The following ESRRG variants were observed in gnomAD, a reference collection of about 807,000 sequenced individuals.
The protein encoded by ESRRG is estrogen-related receptor gamma.
Under a neutral mutation model 44.0 loss-of-function variants are expected in ESRRG, and 13 were observed. The ratio of observed to expected loss-of-function variants is 0.30; its 90% CI spans 0.19 to 0.47. The LOEUF (loss-of-function observed/expected upper bound fraction) is 0.47, where lower values mean the gene tolerates loss of function less well. Among genes scored for constraint, ESRRG ranks in the 20% least tolerant of loss-of-function variants. The probability of loss-of-function intolerance (pLI) is 1.00; values close to 1 mark genes in which losing one functional copy is unlikely to be tolerated. For missense variants in ESRRG, 395 were observed against 580.6 expected, an observed-to-expected ratio of 0.68 and a Z score of 3.29; for synonymous variants, 215 against 214.6, an observed-to-expected ratio of 1.00 and a Z score of -0.02.
chr1:216,735,410 G>C (rs866768084), intron 2 of ESRRG, among the ~76,000 whole-genome samples: 6 of 149,580 alleles, frequency 4.0e-5, no homozygotes, highest in African/African-American at 7.4e-5. Flanking sequence ...GTCTTGTTTT[G>C]TTGCCCAGGC....
intron 2 of ESRRG, among the ~76,000 whole-genome samples, chr1:216,910,765 G>A (rs1476193144): frequency 6.6e-6 from 1 of 152,166 alleles, no homozygotes; most frequent in Non-Finnish European, 1.5e-5. Flanking sequence ...TGTGTGAAGT[G>A]AAGCACTCCT....
chr1:216,562,258 T>C (rs2058894347), intron 5 of ESRRG, among the ~76,000 whole-genome samples: 1 of 152,198 alleles, frequency 6.6e-6, no homozygotes, highest in African/African-American at 2.4e-5. Flanking sequence ...CACGCTGTTG[T>C]TAATAACAAT....
chr1:216,745,079 C>T (rs2091233531), intron 2 of ESRRG, among the ~76,000 whole-genome samples: 1 of 152,132 alleles, frequency 6.6e-6, no homozygotes. Flanking sequence ...AGAGGTGTGC[C>T]TATTAAAGAC....
chr1:216,739,267 A>G (rs1575977170), intron 2 of ESRRG, among the ~76,000 whole-genome samples: 1 of 31,038 alleles, frequency 3.2e-5, no homozygotes, highest in East Asian at 2.5e-3. Flanking sequence ...TTAAAGTGAA[A>G]AAAAAAAAAA....
At chr1:216,579,154 G>A (rs917645299) in intron 3 of ESRRG, among the ~76,000 whole-genome samples, 11 of 152,018 alleles carry the variant, frequency 7.2e-5, no homozygotes, top group Admixed American at 1.3e-4. Flanking sequence ...TCTGGTTTCA[G>A]TAAGATGACT....
chr1:216,875,201 G>A (rs1298800714), intron 2 of ESRRG, among the ~76,000 whole-genome samples: 2 of 152,122 alleles, frequency 1.3e-5, no homozygotes, highest in Non-Finnish European at 2.9e-5. Flanking sequence ...GAAAAAGACA[G>A]TGTTTGGCTT....
At chr1:216,678,682 G>T (rs908536552) in intron 1 of ESRRG, among the ~76,000 whole-genome samples, 6 of 152,066 alleles carry the variant, frequency 3.9e-5, no homozygotes, top group Admixed American at 1.3e-4. Context: ...GCAAAACCTC[G>T]TTTAGCAAAA....
At chr1:217,034,250 A>T (rs777100258) in intron 1 of ESRRG, among the ~76,000 whole-genome samples, 1 of 152,212 alleles carries the variant, frequency 6.6e-6, no homozygotes, top group Non-Finnish European at 1.5e-5. Flanking sequence ...GCATCCAGGG[A>T]TAAAACGGCT....
At chr1:216,916,323 C>G (rs1466028462) in intron 2 of ESRRG, among the ~76,000 whole-genome samples, 1 of 152,208 alleles carries the variant, frequency 6.6e-6, no homozygotes. Context: ...TGTTTCATGT[C>G]ACCGTTCATC....
chr1:216,650,916 TGCCTCCCA>T, intron 3 of ESRRG, 49 bp downstream of exon 3: 1 of 1,019,636 alleles, frequency 9.8e-7, no homozygotes, highest in South Asian at 1.3e-5. Flanking sequence ...TGGAATTTTT[TGCCTCCCA>T]TCCCCACAGC....
chr1:216,864,974 T>G (rs1296034288), intron 2 of ESRRG: 1 of 151,900 alleles, frequency 6.6e-6, no homozygotes, highest in Non-Finnish European at 1.5e-5. Context: ...TTCCCAGCCT[T>G]CAGCACAACA....
rs192365593 is a variant in ESRRG at position 216,578,125 on chromosome 1, A to C, written c.590-10027T>G. On this transcript the variant is annotated intron_variant, in intron 3 of 6. Coordinates refer to ENST00000408911, the MANE Select transcript of ESRRG (RefSeq NM_001438.4). ...GTAAATCTAGTATAACGAATATGGT[A>C]TATGTTCCCAGGTCATGTGTAAAGA... 1.7e-3 allele frequency among the ~76,000 whole-genome samples: 260 copies of C among 152,250 alleles called. 3 individuals carry two copies. The Middle Eastern group carries it at 0.02, about 12-fold the overall frequency.
intron 2 of ESRRG, among the ~76,000 whole-genome samples, chr1:216,875,213 TATTTTTTACACTTTA>T (rs1232937826): frequency 6.6e-6 from 1 of 152,208 alleles, no homozygotes; most frequent in African/African-American, 2.4e-5. Context: ...GTTTGGCTTT[TATTTTTTACACTTTA>T]ACTTTTTAAA....
At chr1:216,881,898 G>A (rs1174694938) in intron 2 of ESRRG, among the ~76,000 whole-genome samples, 1 of 151,326 alleles carries the variant, frequency 6.6e-6, no homozygotes, top group Non-Finnish European at 1.5e-5. Context: ...CTGTTGTCAT[G>A]TTTTCAAAGT....
Position 217,057,210 on chromosome 1 carries a change from T to G in ESRRG, c.-106+32297A>C, listed in dbSNP as rs982357518. Among the ~76,000 whole-genome samples, 3 of 152,114 alleles carry G rather than the reference T, an allele frequency of 2.0e-5. No individual in the cohort carries two copies. The South Asian group carries it at 6.2e-4, about 32-fold the overall frequency. ...TTGAGGAGAAAACAGCCGGGGAATC[T>G]CAGGAAGCATCTACCATATCTACCA... On this transcript the variant is annotated intron_variant, in intron 1 of 7. Coordinates refer to the ESRRG transcript ENST00000359162.
chr1:216,976,075 T>C (rs1437970566), intron 1 of ESRRG, among the ~76,000 whole-genome samples: 1 of 152,122 alleles, frequency 6.6e-6, no homozygotes, highest in Non-Finnish European at 1.5e-5. Context: ...TAACACCTAA[T>C]AGAAACTTCC....
chr1:216,795,751 TCTCC>T, intron 2 of ESRRG, among the ~76,000 whole-genome samples: 1 of 152,252 alleles, frequency 6.6e-6, no homozygotes, highest in Admixed American at 6.5e-5. Context: ...GATTGTGATG[TCTCC>T]TTCCTCTCAG....
Position 216,821,816 on chromosome 1 carries a change from G to A in ESRRG, c.-14+117766C>T, listed in dbSNP as rs561926509. On this transcript the variant is annotated intron_variant, in intron 2 of 7. Transcript: ENST00000359162. Reference sequence around the variant, plus strand: ...AAATTTCCTTATGATTCAACCTAATGCCTATCTCACTTGTGTCTTACAGTG... The same window carrying A: ...AAATTTCCTTATGATTCAACCTAATACCTATCTCACTTGTGTCTTACAGTG... Among the ~76,000 whole-genome samples, 14 of 151,006 alleles carry A rather than the reference G, an allele frequency of 9.3e-5. 1 individual carries two copies. In the East Asian group the frequency reaches 1.7e-3, roughly 19 times the overall value.
chr1:217,133,840 A>T (rs143651563), intron 1 of ESRRG, among the ~76,000 whole-genome samples: 1 of 152,052 alleles, frequency 6.6e-6, no homozygotes, highest in East Asian at 1.9e-4. Flanking sequence ...AGCTGAGCGC[A>T]TTTACAGTTG....
Sources: gnomAD v4.1 joint callset for allele counts (sites outside exome capture counted in the v4.1 genomes callset) on GRCh38, gnomAD v4.1.1 for gene constraint, MANE v1.5 for transcripts, NCBI Gene and HGNC (gene_info 2026-07-23, HGNC 2026-07-21) for gene names.